The following NUP205 variants were observed in gnomAD, a reference collection of about 807,000 sequenced individuals.
NUP205 encodes nuclear pore complex protein Nup205.
In NUP205, 76 loss-of-function variants were observed where a neutral mutation model predicts 253.8. That is an observed-to-expected ratio of 0.30 (90% CI 0.25 to 0.36). The LOEUF (loss-of-function observed/expected upper bound fraction) is 0.36, where lower values mean the gene tolerates loss of function less well. NUP205 is among the 10% of genes least tolerant of loss of function. The pLI is 1.00. For missense variants in NUP205, 2,162 were observed against 2,425.5 expected, an observed-to-expected ratio of 0.89 and a Z score of 2.28; for synonymous variants, 832 against 850.1, an observed-to-expected ratio of 0.98 and a Z score of 0.37.
chr7:135,573,298 A>G (rs1367976938), intron 2 of NUP205, among the ~76,000 whole-genome samples: 2 of 152,188 alleles, frequency 1.3e-5, no homozygotes, highest in African/African-American at 4.8e-5. Context: ...GTAATTAAAC[A>G]GTTCATATAT....
intron 10 of NUP205, 29 bp downstream of exon 10, chr7:135,588,021 C>T: frequency 1.3e-6 from 2 of 1,583,902 alleles, no homozygotes; most frequent in Non-Finnish European, 8.6e-7. Flanking sequence ...CTCTTTTATA[C>T]TCTGGTACTG....
At chr7:135,608,590 C>T (rs1015961924) in intron 22 of NUP205, among the ~76,000 whole-genome samples, 4 of 151,914 alleles carry the variant, frequency 2.6e-5, no homozygotes, top group African/African-American at 7.3e-5. Context: ...TGCCTGTAAT[C>T]CCAGCTACTT....
chr7:135,612,479 A>G (rs1019404037), intron 22 of NUP205, among the ~76,000 whole-genome samples: 3 of 152,220 alleles, frequency 2.0e-5, no homozygotes, highest in African/African-American at 7.2e-5. Flanking sequence ...GCACTTAGGG[A>G]CAAGGCAGCA....
chr7:135,612,279 G>T (rs1286516180), intron 22 of NUP205, among the ~76,000 whole-genome samples: 3 of 152,058 alleles, frequency 2.0e-5, no homozygotes, highest in Admixed American at 6.5e-5. Flanking sequence ...TCCTGCAAGT[G>T]TCTGGTTCCA....
At chr7:135,614,956 T>C (rs1794323955) in intron 23 of NUP205, among the ~76,000 whole-genome samples, 1 of 152,222 alleles carries the variant, frequency 6.6e-6, no homozygotes, top group Non-Finnish European at 1.5e-5. Flanking sequence ...TGTCAGCATC[T>C]AATTTACCTT....
At chr7:135,590,738 G>A (rs572104264) in intron 10 of NUP205, among the ~76,000 whole-genome samples, 7 of 151,728 alleles carry the variant, frequency 4.6e-5, no homozygotes, top group South Asian at 2.1e-4. Context: ...TCACCATGTT[G>A]GCCAGGATAG....
intron 1 of NUP205, among the ~76,000 whole-genome samples, chr7:135,570,862 A>G (rs1177700641): frequency 8.7e-6 from 1 of 114,870 alleles, no homozygotes; most frequent in Non-Finnish European, 1.7e-5. Context: ...TATTATATAT[A>G]AATATAAAAT....
chr7:135,577,854 C>T lies in NUP205; in HGVS notation c.707C>T (p.Ala236Val). Residue 236 changes from alanine (A) to valine (V), a missense_variant, in exon 6 of 43, where the codon GCT (alanine) becomes GTT (valine). Physicochemically the swap from Ala to Val is moderately conservative, Grantham distance 64. Coordinates refer to ENST00000285968, the MANE Select transcript of NUP205 (RefSeq NM_015135.3). ...QSLAESLFAW[A>V]CQSPLGKEDT... ...CTTGCAGAAAGCCTTTTTGCCTGGG[C>T]TTGCCAGTCACCTTTAGGCAAAGAA... The T allele has an allele frequency of 6.2e-7, 1 of 1,614,106 alleles. No individual in the cohort carries two copies. The highest frequency in any genetic ancestry group is 8.5e-7 in the Non-Finnish European group (1 of 1,180,002).
At chr7:135,563,273 C>T (rs534721333) in intron 1 of NUP205, among the ~76,000 whole-genome samples, 9 of 151,998 alleles carry the variant, frequency 5.9e-5, no homozygotes, top group South Asian at 2.1e-4. Context: ...CTGCAGCCTC[C>T]GCCTCCTGGG....
chr7:135,631,879 A>C (rs1396431632), intron 35 of NUP205, among the ~76,000 whole-genome samples: 1 of 151,844 alleles, frequency 6.6e-6, no homozygotes, highest in African/African-American at 2.4e-5. Context: ...CCTCCCGAGC[A>C]GCTGGGACTA....
rs922771829 is a variant in NUP205, at chr7:135,570,064, G to T, written c.29-1041G>T. ...ATATATATATATATAGAGAGAGAGA[G>T]AGAGAGAGAGAGAGAGAGAGAGAGA... On this transcript the variant is annotated intron_variant, in intron 1 of 42. Transcript: ENST00000285968. Among the ~76,000 whole-genome samples, 702 of 144,988 alleles carry T rather than the reference G, an allele frequency of 4.8e-3. 4 individuals carry two copies. Among genetic ancestry groups the T allele is most frequent in the African/African-American group, 8.5e-3 (337 of 39,462 alleles).
Position 135,593,019 on chromosome 7 carries a change from G to C in NUP205, c.1657G>C (p.Val553Leu). 6.2e-7 allele frequency: 1 copy of C among 1,614,004 alleles called. No individual in the cohort carries two copies. The highest frequency in any genetic ancestry group is 8.5e-7 in the Non-Finnish European group (1 of 1,179,872). The change falls in exon 12 of 43, where the codon GTT becomes CTT. Residue 553 changes from valine (V) to leucine (L), a missense_variant. By Grantham distance (32) the Val-to-Leu change is conservative (BLOSUM62 1). Coordinates refer to ENST00000285968, the MANE Select transcript of NUP205 (RefSeq NM_015135.3). ...ENIQGAGGSPVSWEHFFHSLM... is the reference protein window; with the variant it reads ...ENIQGAGGSPLSWEHFFHSLM... ...TATTCAGGGAGCAGGTGGCAGTCCT[G>C]TTTCCTGGGAACATTTCTTTCACTC... is the stretch of plus-strand genomic sequence containing the variant.
intron 36 of NUP205, among the ~76,000 whole-genome samples, chr7:135,636,418 G>T (rs1389047446): frequency 1.3e-5 from 2 of 152,044 alleles, no homozygotes; most frequent in South Asian, 2.1e-4. Flanking sequence ...GGGACCGAGG[G>T]TATACACATA....
At chr7:135,639,745 A>G (rs1385201975) in intron 38 of NUP205, among the ~76,000 whole-genome samples, 1 of 152,236 alleles carries the variant, frequency 6.6e-6, no homozygotes, top group Non-Finnish European at 1.5e-5. Flanking sequence ...ATTCTACTAT[A>G]AAAACACATG....
At chr7:135,625,874 T>C (rs1403881395) in intron 32 of NUP205, among the ~76,000 whole-genome samples, 1 of 152,224 alleles carries the variant, frequency 6.6e-6, no homozygotes, top group Admixed American at 6.5e-5. Flanking sequence ...CCTTCATTTA[T>C]TTAACAGGTA....
Position 135,607,279 on chromosome 7 carries a change from G to A in NUP205, c.3103G>A (p.Ala1035Thr), listed in dbSNP as rs762476152. 14 of 1,613,950 alleles carry A rather than the reference G, an allele frequency of 8.7e-6. No individual in the cohort carries two copies. Among genetic ancestry groups the A allele is most frequent in the East Asian group, 2.2e-5 (1 of 44,886 alleles). The change falls in exon 22 of 43, where the codon GCC becomes ACC. Residue 1035 changes from alanine (A) to threonine (T), a missense_variant. Around this residue, in one of 5 missense-constraint regions of NUP205, gnomAD observed 1,144 missense variants for 1,280.9 expected, o/e 0.89. Coordinates refer to ENST00000285968, the MANE Select transcript of NUP205 (RefSeq NM_015135.3). ...AGGTTGCCCTCGGACATGCCTTCAC[G>A]CCATTCTAAACATCTTGGAGAAAGG... ...VLGCPRTCLH[A>T]ILNILEKGTE...
intron 33 of NUP205, among the ~76,000 whole-genome samples, 194 bp downstream of exon 33, chr7:135,626,555 G>A (rs1488928529): frequency 1.3e-5 from 2 of 151,452 alleles, no homozygotes; most frequent in Non-Finnish European, 2.9e-5. Flanking sequence ...AGGAGTGGGA[G>A]AGAATTTAGT....
chr7:135,632,941 C>G (rs1419326679), intron 35 of NUP205, among the ~76,000 whole-genome samples: 1 of 151,778 alleles, frequency 6.6e-6, no homozygotes, highest in Non-Finnish European at 1.5e-5. Context: ...TTAACCAGAC[C>G]CTTGTTTTAT....
At position 135,577,059 on chromosome 7, in the gene NUP205, T is replaced by G. The variant is rs571627058; in HGVS notation, c.579T>G (p.Ile193Met). 27 of 1,613,948 alleles carry G rather than the reference T, an allele frequency of 1.7e-5. No homozygotes were observed. The East Asian group carries it at 2.0e-4, about 12-fold the overall frequency. The change falls in exon 5 of 43, where the codon ATT (isoleucine) becomes ATG (methionine). Residue 193 changes from isoleucine to methionine, a missense_variant. By Grantham distance (10) the Ile-to-Met change is conservative. Coordinates refer to ENST00000285968, the MANE Select transcript of NUP205 (RefSeq NM_015135.3). ...TYKVLTLVSQIDVNNEFEKLQ... is the reference protein window; with the variant it reads ...TYKVLTLVSQMDVNNEFEKLQ... ...AAGTTCTTACGCTGGTGTCACAGAT[T>G]GATGTGAATAATGAGTTTGAGAAAC...
Sources: gnomAD v4.1 joint callset for allele counts (sites outside exome capture counted in the v4.1 genomes callset) on GRCh38, gnomAD v4.1.1 for gene constraint, gnomAD v4.1.1 regional missense constraint, MANE v1.5 for transcripts, NCBI Gene and HGNC (gene_info 2026-07-23, HGNC 2026-07-21) for gene names.